The following PIGN variants were observed in gnomAD, a reference collection of about 807,000 sequenced individuals.
The protein encoded by PIGN is GPI ethanolamine phosphate transferase 1.
Under a neutral mutation model 125.4 loss-of-function variants are expected in PIGN, and 117 were observed. The ratio of observed to expected loss-of-function variants is 0.93; its 90% CI spans 0.80 to 1.09. The LOEUF (loss-of-function observed/expected upper bound fraction) is 1.09. PIGN is among the 50% of genes least tolerant of loss of function. PIGN has a pLI of 0.00. For synonymous variants in PIGN, 392 were observed against 377.8 expected, an observed-to-expected ratio of 1.04 and a Z score of -0.44; for missense variants, 1,075 against 1,094.9, an observed-to-expected ratio of 0.98 and a Z score of 0.26.
At chr18:62,092,878 C>T (rs2034026551) in intron 23 of PIGN, among the ~76,000 whole-genome samples, 1 of 152,108 alleles carries the variant, frequency 6.6e-6, no homozygotes, top group African/African-American at 2.4e-5. Flanking sequence ...ACTAACTCAG[C>T]TTTCCTATTC....
intron 22 of PIGN, among the ~76,000 whole-genome samples, chr18:62,096,570 G>T (rs1599508753): frequency 1.2e-5 from 1 of 85,966 alleles, no homozygotes; most frequent in Non-Finnish European, 2.0e-5. Flanking sequence ...TAGGGTACAT[G>T]TGCACATTGT....
intron 16 of PIGN, 84 bp from the exon 17 acceptor site, chr18:62,110,057 A>G: frequency 7.7e-7 from 1 of 1,295,468 alleles, no homozygotes; most frequent in Non-Finnish European, 1.1e-6. Context: ...AAGTAAAGAA[A>G]ACCTATTACT....
chr18:62,158,520 A>G (rs767367133), intron 4 of PIGN, among the ~76,000 whole-genome samples: 1 of 152,238 alleles, frequency 6.6e-6, no homozygotes, highest in Non-Finnish European at 1.5e-5. Flanking sequence ...AAAGATGTCA[A>G]CATTATTTAA....
intron 7 of PIGN, among the ~76,000 whole-genome samples, chr18:62,152,349 T>C (rs182425054): frequency 9.7e-4 from 148 of 152,186 alleles, no homozygotes; most frequent in African/African-American, 3.1e-3. Context: ...TGTTTCTTAT[T>C]AGACTTTAAG....
chr18:62,055,907 G>A (rs753187486), intron 30 of PIGN, among the ~76,000 whole-genome samples: 3 of 150,634 alleles, frequency 2.0e-5, no homozygotes, highest in Non-Finnish European at 4.4e-5. Context: ...GGTCTTATAG[G>A]CACTTAATCA....
intron 14 of PIGN, among the ~76,000 whole-genome samples, chr18:62,128,830 T>C (rs916150405): frequency 6.6e-6 from 1 of 152,186 alleles, no homozygotes; most frequent in Non-Finnish European, 1.5e-5. Context: ...TTCTTTAATA[T>C]ATTTAACATG....
chr18:62,050,873 C>A (rs913721930), intron 30 of PIGN, among the ~76,000 whole-genome samples: 3 of 150,820 alleles, frequency 2.0e-5, no homozygotes, highest in African/African-American at 4.8e-5. Flanking sequence ...GAGATACGTC[C>A]CATCAATACC....
At chr18:62,129,008 A>G (rs1355965992) in intron 14 of PIGN, among the ~76,000 whole-genome samples, 1 of 152,128 alleles carries the variant, frequency 6.6e-6, no homozygotes, top group Non-Finnish European at 1.5e-5. Context: ...ATGCAAAGCC[A>G]ATATTGGAAA....
chr18:62,057,490 G>A (rs1412221002), intron 30 of PIGN, among the ~76,000 whole-genome samples: 2 of 152,032 alleles, frequency 1.3e-5, no homozygotes, highest in Non-Finnish European at 2.9e-5. Context: ...ATTTTGAATT[G>A]CTACCCTAGC....
intron 1 of PIGN, among the ~76,000 whole-genome samples, chr18:62,180,515 G>T (rs2037679605): frequency 6.6e-6 from 1 of 152,030 alleles, no homozygotes; most frequent in Admixed American, 6.5e-5. Context: ...GCTTGATACT[G>T]TCATATTTAC....
chr18:62,110,402 C>T (rs1057023867), intron 16 of PIGN, among the ~76,000 whole-genome samples: 3 of 152,194 alleles, frequency 2.0e-5, no homozygotes, highest in African/African-American at 7.2e-5. Flanking sequence ...TCCAATGTGA[C>T]AAGCTATCTA....
chr18:62,042,242 A>G lies in PIGN; in HGVS notation c.*3614T>C, dbSNP rs1599380301. On this transcript the variant is annotated 3_prime_UTR_variant, in exon 31 of 31. Transcript: ENST00000640252. ...AGGCTGAGGCAGAAGAATCGCTTGA[A>G]CCAGGGAGGCGGAGCTTGCAGTGAG... is the stretch of plus-strand genomic sequence containing the variant. 1 of 152,046 alleles carries G rather than the reference A, an allele frequency of 6.6e-6. No individual in the cohort carries two copies. Among genetic ancestry groups the G allele is most frequent in the African/African-American group, 2.4e-5 (1 of 41,396 alleles). The allele number at this position is 152,046 out of a possible 1,614,324, so 9.4% of individuals were successfully genotyped here.
At chr18:62,158,285 A>G (rs931843) in intron 4 of PIGN, among the ~76,000 whole-genome samples, 88,643 of 152,066 alleles carry the variant, frequency 0.58, 26,633 homozygotes, top group East Asian at 0.78. Context: ...CCTGTGGTGC[A>G]GGTGGCAGAG....
At chr18:62,177,332 T>C (rs2037560501) in intron 1 of PIGN, among the ~76,000 whole-genome samples, 1 of 152,242 alleles carries the variant, frequency 6.6e-6, no homozygotes, top group African/African-American at 2.4e-5. Context: ...ATTATTGTAC[T>C]GCTAAGCTCC....
chr18:62,179,340 A>C (rs11152335), intron 1 of PIGN, among the ~76,000 whole-genome samples: 3 of 152,232 alleles, frequency 2.0e-5, no homozygotes, highest in Non-Finnish European at 2.9e-5. Context: ...GCCAACACTT[A>C]AAGAGTGAGG....
chr18:62,059,643 G>C (rs1766555425), intron 30 of PIGN, among the ~76,000 whole-genome samples: 1 of 152,160 alleles, frequency 6.6e-6, no homozygotes, highest in Non-Finnish European at 1.5e-5. Flanking sequence ...GCCTGGGCTT[G>C]GGATGGTAAT....
At chr18:62,162,585 A>G (rs1456022395) in intron 2 of PIGN, 1 of 152,198 alleles carries the variant, frequency 6.6e-6, no homozygotes, top group Non-Finnish European at 1.5e-5. Flanking sequence ...AAAACATGAT[A>G]GAGCAAAAGG....
At chr18:62,167,749 T>C (rs903319230) in intron 1 of PIGN, among the ~76,000 whole-genome samples, 1 of 152,052 alleles carries the variant, frequency 6.6e-6, no homozygotes, top group Non-Finnish European at 1.5e-5. Flanking sequence ...TGATAACTTA[T>C]TGTAGATAAT....
Position 62,093,639 on chromosome 18 carries a change from A to C in PIGN, c.2180+2209T>G, listed in dbSNP as rs183000342. Among the ~76,000 whole-genome samples, 30 of 152,284 alleles carry C rather than the reference A, an allele frequency of 2.0e-4. 1 individual carries two copies. The highest frequency in any genetic ancestry group is 5.8e-4 in the African/African-American group (24 of 41,590). On this transcript the variant is annotated intron_variant, in intron 23 of 30. Transcript: ENST00000640252. The stretch of plus-strand genomic sequence containing the variant: ...AGCTCCATTTGCATAAAAATAATTA[A>C]GTGCTGATTAAAAATGAATCTTCTT...
Sources: allele counts gnomAD v4.1 joint callset (sites outside exome capture counted in the v4.1 genomes callset), GRCh38; gene constraint gnomAD v4.1.1; transcripts MANE v1.5; gene names NCBI Gene and HGNC (gene_info 2026-07-23, HGNC 2026-07-21).